The following SLF1 variants were observed in gnomAD, a reference collection of about 807,000 sequenced individuals.
The protein encoded by SLF1 is SMC5/6 complex localization factor 1, also known as SMC5-SMC6 complex localization factor protein 1.
SLF1 carries 105 observed loss-of-function variants against 123.0 expected under a neutral mutation model. The ratio of observed to expected loss-of-function variants is 0.85; its 90% CI spans 0.73 to 1.00. The LOEUF (loss-of-function observed/expected upper bound fraction) is 1.00. Ranked by LOEUF, SLF1 falls within the 50% of genes least tolerant of loss-of-function variation. SLF1 has a pLI of 0.00. For synonymous variants in SLF1, 434 were observed against 406.6 expected, an observed-to-expected ratio of 1.07 and a Z score of -0.81; for missense variants, 1,239 against 1,223.0, an observed-to-expected ratio of 1.01 and a Z score of -0.20.
intron 9 of SLF1, among the ~76,000 whole-genome samples, chr5:94,656,099 T>C (rs1748344808): frequency 6.6e-6 from 1 of 152,084 alleles, no homozygotes; most frequent in East Asian, 1.9e-4. Flanking sequence ...TGTATGACCT[T>C]TGTTATGTTG....
rs1470284188 is a variant in SLF1, at chr5:94,652,524, G to GT, written c.882+682dup. On this transcript the variant is annotated intron_variant, in intron 7 of 20. Coordinates refer to ENST00000265140, the MANE Select transcript of SLF1 (RefSeq NM_032290.4). Reference sequence around the variant, plus strand: ...TTGCTAATGTATATAAAATTTTATTGTTTGACTATGCCACAATTATATCTT... The same window carrying GT: ...TTGCTAATGTATATAAAATTTTATTGTTTTGACTATGCCACAATTATATCTT... Among the ~76,000 whole-genome samples, 4 of 151,922 alleles carry GT rather than the reference G, an allele frequency of 2.6e-5. No homozygotes were observed. In the East Asian group the frequency reaches 7.7e-4, roughly 29 times the overall value.
Position 94,696,787 on chromosome 5 carries a change from A to G in SLF1, c.*1475A>G, listed in dbSNP as rs1180860351. ...TCTTAATAACTAAATTGCAAGGCAAATTCTTTTCTGAGCTTTGGCTTTCCT... is the reference window on the plus strand; with the variant it reads ...TCTTAATAACTAAATTGCAAGGCAAGTTCTTTTCTGAGCTTTGGCTTTCCT... On this transcript the variant is annotated 3_prime_UTR_variant, in exon 21 of 21. Coordinates refer to ENST00000265140, the MANE Select transcript of SLF1 (RefSeq NM_032290.4). 6.6e-6 allele frequency: 1 copy of G among 151,844 alleles called. No individual in the cohort carries two copies. The highest frequency in any genetic ancestry group is 1.5e-5 in the Non-Finnish European group (1 of 67,890). The allele number at this position is 151,844 out of a possible 1,614,324, so 9.4% of individuals were successfully genotyped here.
At chr5:94,621,625 T>C (rs908542825) in intron 1 of SLF1, among the ~76,000 whole-genome samples, 3 of 152,184 alleles carry the variant, frequency 2.0e-5, no homozygotes, top group African/African-American at 7.2e-5. Flanking sequence ...CCTTAAGGAC[T>C]CCTTCATCCC....
intron 4 of SLF1, 36 bp downstream of exon 4, chr5:94,630,779 T>G (rs1745109763): frequency 6.6e-7 from 1 of 1,517,252 alleles, no homozygotes; most frequent in East Asian, 2.5e-5. Flanking sequence ...AAGCAATTAA[T>G]GAGAAAATAA....
intron 14 of SLF1, among the ~76,000 whole-genome samples, chr5:94,674,121 A>G (rs1379344941): frequency 1.3e-5 from 2 of 152,202 alleles, no homozygotes; most frequent in Non-Finnish European, 2.9e-5. Context: ...ATACAATGCA[A>G]TCATTAAGGA....
At chr5:94,640,516 G>C (rs1314360401) in intron 4 of SLF1, among the ~76,000 whole-genome samples, 1 of 152,036 alleles carries the variant, frequency 6.6e-6, no homozygotes, top group East Asian at 1.9e-4. Context: ...CTGAGCTTGT[G>C]TATGTGGAGT....
At chr5:94,622,031 C>T (rs1431830289) in intron 1 of SLF1, among the ~76,000 whole-genome samples, 1 of 152,170 alleles carries the variant, frequency 6.6e-6, no homozygotes, top group East Asian at 1.9e-4. Flanking sequence ...AATTTGGCTC[C>T]TAGGCCTAAA....
rs181424579 is a variant in SLF1, at chr5:94,688,589, G to A, written c.2205G>A (p.Arg735=). Residue 735 remains arginine (R), a synonymous_variant, in exon 17 of 21, where the codon CGG becomes CGA. Transcript: ENST00000265140. ...AGGTGTCAAAGAAAATAGGACAGCG[G>A]CCTTGTTTTGACTCTCAGAGAACCT... The part of the protein sequence containing the change: ...KIQVSKKIGQ[R]PCFDSQRTLL... 1.2e-6 allele frequency: 2 copies of A among 1,614,060 alleles called. No individual in the cohort carries two copies. Among genetic ancestry groups the A allele is most frequent in the Admixed American group, 3.3e-5 (2 of 60,012 alleles).
At chr5:94,621,996 C>T (rs1256522893) in intron 1 of SLF1, among the ~76,000 whole-genome samples, 3 of 152,090 alleles carry the variant, frequency 2.0e-5, no homozygotes, top group Non-Finnish European at 2.9e-5. Flanking sequence ...TGAAGGCCAG[C>T]TGAATGATAT....
At chr5:94,653,854 CTTT>C (rs11338723) in intron 8 of SLF1, among the ~76,000 whole-genome samples, 2 of 148,058 alleles carry the variant, frequency 1.4e-5, no homozygotes, top group East Asian at 3.9e-4. Flanking sequence ...TGGAGTATGA[CTTT>C]TTTTTTTTTT....
intron 20 of SLF1, among the ~76,000 whole-genome samples, chr5:94,692,914 A>G (rs1284532174): frequency 2.0e-5 from 3 of 152,162 alleles, no homozygotes; most frequent in Non-Finnish European, 4.4e-5. Flanking sequence ...CATTCTTCTT[A>G]TATCTAAACT....
chr5:94,627,868 T>C (rs928318338), intron 1 of SLF1, among the ~76,000 whole-genome samples: 5 of 151,852 alleles, frequency 3.3e-5, no homozygotes, highest in African/African-American at 4.8e-5. Context: ...TCACTCTTGT[T>C]GCCCAGGCTG....
Position 94,697,169 on chromosome 5 carries a change from G to A in SLF1, c.*1857G>A, listed in dbSNP as rs779654217. 4.0e-5 allele frequency: 6 copies of A among 151,820 alleles called. No individual in the cohort carries two copies. Among genetic ancestry groups the A allele is most frequent in the Admixed American group, 6.6e-5 (1 of 15,200 alleles). 9.4% of individuals were successfully genotyped at this position (151,820 alleles called of 1,614,324 possible). ...TGATGACATGAAGTGTGAAACAGAT[G>A]TCACTGAGGTCTCTGCCTTTAAGAA... On this transcript the variant is annotated 3_prime_UTR_variant, in exon 21 of 21. Transcript: ENST00000265140.
intron 20 of SLF1, 22 bp from the exon 21 acceptor site, chr5:94,694,809 A>G: frequency 6.5e-7 from 1 of 1,527,274 alleles, no homozygotes; most frequent in Non-Finnish European, 8.8e-7. Flanking sequence ...TACTTGCAAC[A>G]TTTTGCATTT....
At chr5:94,675,005 T>G (rs1045625566) in intron 14 of SLF1, among the ~76,000 whole-genome samples, 9 of 152,250 alleles carry the variant, frequency 5.9e-5, no homozygotes. Context: ...AAGTCTCCAC[T>G]GCACCACACT....
At position 94,696,594 on chromosome 5, in the gene SLF1, GAGAGT is replaced by G. The variant is rs941393332; in HGVS notation, c.*1284_*1288del. The G allele has an allele frequency of 3.3e-5, 5 of 151,764 alleles. No homozygotes were observed. Among genetic ancestry groups the G allele is most frequent in the African/African-American group, 1.2e-4 (5 of 41,392 alleles). 9.4% of individuals were successfully genotyped at this position (151,764 alleles called of 1,614,324 possible). ...TCTAAGAAGAGTTTAAATGCTTATA[GAGAGT>G]AAAGTGCTTCTCCAGATGATGAATA... On this transcript the variant is annotated 3_prime_UTR_variant, in exon 21 of 21. Coordinates refer to ENST00000265140, the MANE Select transcript of SLF1 (RefSeq NM_032290.4).
At chr5:94,684,522 C>T (rs1327297079) in intron 15 of SLF1, among the ~76,000 whole-genome samples, 2 of 151,762 alleles carry the variant, frequency 1.3e-5, no homozygotes, top group Admixed American at 6.6e-5. Flanking sequence ...CACGGTGAAA[C>T]CCTGTCTCTA....
At chr5:94,642,359 T>A (rs1051991584) in intron 4 of SLF1, among the ~76,000 whole-genome samples, 2 of 152,228 alleles carry the variant, frequency 1.3e-5, no homozygotes. Flanking sequence ...GTTTCCCTTA[T>A]GTCACAGACT....
intron 9 of SLF1, among the ~76,000 whole-genome samples, chr5:94,660,350 G>A (rs1479711205): frequency 2.0e-5 from 3 of 152,220 alleles, no homozygotes; most frequent in Non-Finnish European, 4.4e-5. Context: ...GCGTGCTCAA[G>A]TGCCTGTTGC....
Sources: gnomAD v4.1 joint callset for allele counts (sites outside exome capture counted in the v4.1 genomes callset) on GRCh38, gnomAD v4.1.1 for gene constraint, MANE v1.5 for transcripts, NCBI Gene and HGNC (gene_info 2026-07-23, HGNC 2026-07-21) for gene names.